Variants in ANKDD1A observed in about 807,000 individuals in gnomAD.
The protein encoded by ANKDD1A is ankyrin repeat and death domain-containing protein 1A.
Under a neutral mutation model 63.5 loss-of-function variants are expected in ANKDD1A, and 59 were observed. That is an observed-to-expected ratio of 0.93 (90% confidence interval 0.75 to 1.15). The LOEUF (loss-of-function observed/expected upper bound fraction) is 1.15, where lower values mean the gene tolerates loss of function less well. ANKDD1A is among the 50% of genes most tolerant of loss of function. The pLI is 0.00. For missense variants in ANKDD1A, 632 were observed against 656.4 expected (o/e 0.96, Z 0.41); for synonymous variants, 266 against 263.9 (o/e 1.01, Z -0.08).
intron 14 of ANKDD1A, among the ~76,000 whole-genome samples, chr15:64,953,658 T>TTC (rs1447605068): frequency 7.6e-6 from 1 of 130,796 alleles, no homozygotes; most frequent in Admixed American, 7.9e-5. Context: ...TTCTCCTTCT[T>TTC]TTCTTTCTTC....
intron 9 of ANKDD1A, among the ~76,000 whole-genome samples, chr15:64,936,858 T>A (rs918055746): frequency 9.9e-5 from 15 of 152,006 alleles, no homozygotes; most frequent in East Asian, 7.7e-4. Flanking sequence ...AAAAATTTTT[T>A]AAAAATTCCC....
rs1555366987 is a variant in ANKDD1A at position 64,952,861 on chromosome 15, T to TTCC, written c.1483+2891_1483+2892insCTC. On this transcript the variant is annotated intron_variant, in intron 14 of 14. Transcript: ENST00000319580. ...TTCTTCTCCTTGTCTCTTCTCCTTC[T>TTCC]TCTTTTCTTCTCTTTCTTCTTCTCC... Among the ~76,000 whole-genome samples, 146 of 139,184 alleles carry TTCC rather than the reference T, an allele frequency of 1.0e-3. 4 individuals are homozygous for TTCC. In the South Asian group the frequency reaches 0.014, roughly 13 times the overall value. 91.3% of individuals were successfully genotyped at this position (139,184 alleles called of 152,430 possible). A position where few individuals can be genotyped will look rare whatever the true frequency, so the allele number is the denominator to read the frequency against.
chr15:64,952,959 C>CTCT (rs386784815), intron 14 of ANKDD1A, among the ~76,000 whole-genome samples: 99 of 121,550 alleles, frequency 8.1e-4, no homozygotes, highest in African/African-American at 2.6e-3. Flanking sequence ...CTCTTTCTTC[C>CTCT]TCTTCTTCTT....
intron 14 of ANKDD1A, among the ~76,000 whole-genome samples, chr15:64,952,211 TTC>T (rs1312052361): frequency 6.9e-6 from 1 of 144,932 alleles, no homozygotes; most frequent in Non-Finnish European, 1.5e-5. Flanking sequence ...TCTTTCCTCT[TTC>T]TTCTTCTTCC....
At chr15:64,929,320 C>T (rs569007438) in intron 6 of ANKDD1A, among the ~76,000 whole-genome samples, 18 of 152,146 alleles carry the variant, frequency 1.2e-4, no homozygotes, top group African/African-American at 3.9e-4. Context: ...ACTACAGGCA[C>T]GCACCACCAC....
chr15:64,956,243 C>CT (rs1215557721), intron 14 of ANKDD1A, among the ~76,000 whole-genome samples: 1 of 96,178 alleles, frequency 1.0e-5, no homozygotes, highest in African/African-American at 3.9e-5. Context: ...TTTTTTTTTT[C>CT]TTTTTTTTTG....
intron 8 of ANKDD1A, among the ~76,000 whole-genome samples, chr15:64,933,615 G>A (rs565060550): frequency 6.3e-4 from 96 of 152,272 alleles, no homozygotes; most frequent in South Asian, 2.1e-3. Flanking sequence ...AGGCTGAGAC[G>A]GGTGGATCAC....
At position 64,958,022 on chromosome 15, in the gene ANKDD1A, G is replaced by A. The variant is rs766397648; in HGVS notation, c.*834G>A. 4 of 152,226 alleles carry A rather than the reference G, an allele frequency of 2.6e-5. No individual in the cohort carries two copies. Among genetic ancestry groups the A allele is most frequent in the Admixed American group, 6.5e-5 (1 of 15,270 alleles). The allele number at this position is 152,226 out of a possible 1,614,324, so 9.4% of individuals were successfully genotyped here. Reference sequence around the variant, plus strand: ...CGGGTGGGAGAAAGAGTTCTCAGTGGTTCCTTTCTATACAGTTTTAACTTT... The same window carrying A: ...CGGGTGGGAGAAAGAGTTCTCAGTGATTCCTTTCTATACAGTTTTAACTTT... On this transcript the variant is annotated 3_prime_UTR_variant, in exon 15 of 15. Transcript: ENST00000319580.
chr15:64,952,073 C>CT (rs2085296469), intron 14 of ANKDD1A, among the ~76,000 whole-genome samples: 1 of 4,886 alleles, frequency 2.0e-4, no homozygotes, highest in Non-Finnish European at 1.2e-3. Context: ...TTCCTTTCTT[C>CT]TTCTTCCTTC....
chr15:64,953,723 C>CTTG (rs1260232083), intron 14 of ANKDD1A, among the ~76,000 whole-genome samples: 1 of 8,394 alleles, frequency 1.2e-4, no homozygotes, highest in African/African-American at 3.5e-4. Flanking sequence ...TGTTCTTCTC[C>CTTG]TTCTTCTCCT....
At chr15:64,916,172 A>T (rs2084967060) in intron 2 of ANKDD1A, among the ~76,000 whole-genome samples, 1 of 152,116 alleles carries the variant, frequency 6.6e-6, no homozygotes, top group Admixed American at 6.6e-5. Flanking sequence ...CCCATCTGAG[A>T]GGTTAGAGCC....
chr15:64,957,058 A>ATTGTT (rs541492787), intron 14 of ANKDD1A, 45 bp from the exon 15 acceptor site: 156 of 448,658 alleles, frequency 3.5e-4, no homozygotes, highest in African/African-American at 2.8e-3. Flanking sequence ...AAGGGTGATA[A>ATTGTT]TTGTTTTGTT....
In ANKDD1A at chr15:64,956,316, A is replaced by G. The variant is rs566877080; in HGVS notation, c.1484-787A>G. On this transcript the variant is annotated intron_variant, in intron 14 of 14. Transcript: ENST00000319580. Reference sequence around the variant, plus strand: ...TGTAATCCCAGCACTTTGGGAGGGCAAGGCGGGCAGATCACGAGGTCAGGA... The same window carrying G: ...TGTAATCCCAGCACTTTGGGAGGGCGAGGCGGGCAGATCACGAGGTCAGGA... Among the ~76,000 whole-genome samples, 245 of 150,124 alleles carry G rather than the reference A, an allele frequency of 1.6e-3. 1 individual carries two copies. The highest frequency in any genetic ancestry group is 6.9e-3 in the Middle Eastern group (2 of 288).
chr15:64,946,508 T>C (rs1332088041), intron 12 of ANKDD1A, among the ~76,000 whole-genome samples: 1 of 152,206 alleles, frequency 6.6e-6, no homozygotes, highest in Admixed American at 6.5e-5. Context: ...AGCCGATTCA[T>C]CTCTGTGCTG....
At chr15:64,942,383 CCCT>C (rs1470241089) in intron 9 of ANKDD1A, 81 bp from the exon 10 acceptor site, 1 of 1,069,526 alleles carries the variant, frequency 9.3e-7, no homozygotes, top group Non-Finnish European at 1.3e-6. Flanking sequence ...CTATACTCTT[CCCT>C]CCTCCTGTCC....
Position 64,931,473 on chromosome 15 carries a change from C to G in ANKDD1A, c.670-14C>G. On this transcript the variant is annotated splice_polypyrimidine_tract_variant and intron_variant, in intron 7 of 14. Coordinates refer to ENST00000319580, the MANE Select transcript of ANKDD1A (RefSeq NM_182703.6). Reference sequence around the variant, plus strand: ...CCTCCCCACCATCCTCATTGCTCTTCTTGTGTGTTGCAGGAAGGTCTGACT... The same window carrying G: ...CCTCCCCACCATCCTCATTGCTCTTGTTGTGTGTTGCAGGAAGGTCTGACT... 2 of 1,611,928 alleles carry G rather than the reference C, an allele frequency of 1.2e-6. No individual in the cohort carries two copies. Among genetic ancestry groups the G allele is most frequent in the Non-Finnish European group, 1.7e-6 (2 of 1,179,026 alleles).
At chr15:64,952,993 CCTT>C (rs1397413473) in intron 14 of ANKDD1A, among the ~76,000 whole-genome samples, 3 of 11,112 alleles carry the variant, frequency 2.7e-4, no homozygotes, top group Non-Finnish European at 1.5e-3. Context: ...TCCTTCTTCT[CCTT>C]CTTAGTTCTT....
chr15:64,942,262 T>C (rs1395129594), intron 9 of ANKDD1A, among the ~76,000 whole-genome samples: 2 of 152,150 alleles, frequency 1.3e-5, no homozygotes, highest in Non-Finnish European at 2.9e-5. Context: ...CTTCAGACCC[T>C]CACCCATCTA....
At chr15:64,952,801 TCTC>T (rs2085321303) in intron 14 of ANKDD1A, among the ~76,000 whole-genome samples, 1 of 144,846 alleles carries the variant, frequency 6.9e-6, no homozygotes, top group Admixed American at 6.9e-5. Flanking sequence ...CTTCTTTTCT[TCTC>T]CTTCTCCTCC....
Sources: allele counts gnomAD v4.1 joint callset (sites outside exome capture counted in the v4.1 genomes callset), GRCh38; gene constraint gnomAD v4.1.1; transcripts MANE v1.5; gene names NCBI Gene and HGNC (gene_info 2026-07-23, HGNC 2026-07-21).